CHST10: variants seen among roughly 807,000 people sequenced by gnomAD.
CHST10 encodes the protein HNK-1 sulfotransferase.
CHST10 carries 24 observed loss-of-function variants against 34.7 expected under a neutral mutation model. The observed-to-expected ratio is 0.69, with a 90% CI of 0.50 to 0.97. CHST10 has a LOEUF of 0.97. Ranked by LOEUF, CHST10 falls within the 50% of genes least tolerant of loss-of-function variation. The pLI is 0.00. For synonymous variants in CHST10, 161 were observed against 169.3 expected (o/e 0.95, Z 0.38); for missense variants, 402 against 452.1 (o/e 0.89, Z 1.00).
intron 2 of CHST10, among the ~76,000 whole-genome samples, chr2:100,412,870 C>T (rs187014809): frequency 6.9e-4 from 105 of 152,312 alleles, no homozygotes; most frequent in Non-Finnish European, 1.2e-3. Flanking sequence ...CTCCCATCTA[C>T]GGTTAACTAG....
intron 2 of CHST10, chr2:100,407,609 CT>C (rs1675636852): frequency 6.6e-6 from 1 of 152,194 alleles, no homozygotes; most frequent in Non-Finnish European, 1.5e-5. Flanking sequence ...CAGAGAGAGC[CT>C]CCTAACCCTG....
At chr2:100,402,178 T>C (rs1675370942) in intron 4 of CHST10, among the ~76,000 whole-genome samples, 1 of 152,198 alleles carries the variant, frequency 6.6e-6, no homozygotes, top group Admixed American at 6.5e-5. Context: ...GCTGAATTAG[T>C]TGTTCTGCTG....
Position 100,397,213 on chromosome 2 carries a change from T to C in CHST10, c.427+695A>G, listed in dbSNP as rs145187698. 3.7e-3 allele frequency among the ~76,000 whole-genome samples: 559 copies of C among 152,332 alleles called. 2 individuals are homozygous for C. Among genetic ancestry groups the C allele is most frequent in the South Asian group, 6.6e-3 (32 of 4,828 alleles). On this transcript the variant is annotated intron_variant, in intron 5 of 6. Transcript: ENST00000264249. ...TAAGCAGAGCCCATAATTATTAGGATCGGTTCAGACTAATTGGAATTTAAA... is the reference window on the plus strand; with the variant it reads ...TAAGCAGAGCCCATAATTATTAGGACCGGTTCAGACTAATTGGAATTTAAA...
intron 2 of CHST10, among the ~76,000 whole-genome samples, chr2:100,410,069 G>A (rs917213019): frequency 2.6e-5 from 4 of 152,210 alleles, no homozygotes; most frequent in Admixed American, 6.5e-5. Flanking sequence ...CTTGAGAAGA[G>A]CATTACACCC....
intron 4 of CHST10, 106 bp from the exon 5 acceptor site, chr2:100,398,248 C>G (rs1675168399): frequency 1.3e-6 from 1 of 769,794 alleles, no homozygotes; most frequent in Non-Finnish European, 2.1e-6. Context: ...CCATCTGGAG[C>G]CTTCTCTTCT....
chr2:100,399,615 G>A (rs113974293), intron 4 of CHST10, among the ~76,000 whole-genome samples: 207 of 152,312 alleles, frequency 1.4e-3, no homozygotes, highest in African/African-American at 4.6e-3. Flanking sequence ...AAGACTTCTA[G>A]AACACACTAG....
At chr2:100,393,811 C>G in intron 6 of CHST10, 29 bp from the exon 7 acceptor site, 1 of 1,576,348 alleles carries the variant, frequency 6.3e-7, no homozygotes, top group South Asian at 1.1e-5. Flanking sequence ...AAGAGGTTAA[C>G]TTGATGCCAC....
chr2:100,416,990 G>A, intron 1 of CHST10: 1 of 1,304,208 alleles, frequency 7.7e-7, no homozygotes, highest in Non-Finnish European at 1.0e-6. Context: ...CCCTCGCACC[G>A]AAGCTGCACA....
At chr2:100,403,901 G>C (rs2104356466) in intron 3 of CHST10, among the ~76,000 whole-genome samples, 1 of 152,336 alleles carries the variant, frequency 6.6e-6, no homozygotes, top group Middle Eastern at 3.4e-3. Context: ...CAGGCTCCGG[G>C]ACACACTCTC....
chr2:100,414,362 TCACACA>T (rs370903480), intron 2 of CHST10, among the ~76,000 whole-genome samples: 1 of 150,260 alleles, frequency 6.7e-6, no homozygotes, highest in African/African-American at 2.4e-5. Context: ...AAAGGAAACT[TCACACA>T]CACACACACA....
At chr2:100,403,940 C>T (rs373661824) in intron 3 of CHST10, among the ~76,000 whole-genome samples, 3 of 152,204 alleles carry the variant, frequency 2.0e-5, no homozygotes, top group African/African-American at 7.2e-5. Flanking sequence ...GGGCAGGCTC[C>T]AGGGGAGAGG....
chr2:100,400,760 C>T (rs1202541776), intron 4 of CHST10, among the ~76,000 whole-genome samples: 6 of 152,200 alleles, frequency 3.9e-5, no homozygotes, highest in Admixed American at 2.6e-4. Context: ...CTCACTGCAA[C>T]CTCCGCTTCC....
Position 100,393,754 on chromosome 2 carries a change from C to G in CHST10, c.562G>C (p.Val188Leu). 1.2e-6 allele frequency: 2 copies of G among 1,610,060 alleles called. No individual in the cohort carries two copies. Among genetic ancestry groups the G allele is most frequent in the South Asian group, 1.1e-5 (1 of 90,990 alleles). Reference sequence around the variant, plus strand: ...ATAAGTCTTTCGAAGGGATCTCTTACAATAAAAAACTTGAAGTATGTTTTC... The same window carrying G: ...ATAAGTCTTTCGAAGGGATCTCTTAGAATAAAAAACTTGAAGTATGTTTTC... Reference protein sequence around the residue: ...RLKTYFKFFIVRDPFERLISA... With the variant: ...RLKTYFKFFILRDPFERLISA... The change falls in exon 7 of 7, where the codon GTA becomes CTA. Residue 188 changes from valine to leucine, a missense_variant. By Grantham distance (32) the Val-to-Leu change is conservative. Transcript: ENST00000264249.
chr2:100,395,793 CGA>C (rs1324315345), intron 5 of CHST10, among the ~76,000 whole-genome samples, 179 bp from the exon 6 acceptor site: 20 of 152,190 alleles, frequency 1.3e-4, no homozygotes, highest in Middle Eastern at 6.8e-3. Context: ...GCAGGATGAA[CGA>C]GTGAAGAAAA....
intron 3 of CHST10, 152 bp downstream of exon 3, chr2:100,406,424 C>T (rs4149512): frequency 0.44 from 332,955 of 748,298 alleles, 81,650 homozygotes; most frequent in East Asian, 0.72. Context: ...ACCTCTGTAA[C>T]ATGAAGGAAC....
intron 1 of CHST10, among the ~76,000 whole-genome samples, chr2:100,416,032 G>A (rs1256238856): frequency 6.6e-6 from 1 of 152,208 alleles, no homozygotes; most frequent in Admixed American, 6.5e-5. Flanking sequence ...AAATAAGGTA[G>A]TATAGTCTTA....
intron 2 of CHST10, among the ~76,000 whole-genome samples, chr2:100,412,460 TAC>T (rs72205142): frequency 0.038 from 5,798 of 152,096 alleles, 352 homozygotes; most frequent in African/African-American, 0.13. Flanking sequence ...TTCCAAGAAA[TAC>T]AGTGATACCC....
In CHST10 at chr2:100,393,544, C is replaced by T. The variant is rs3748932; in HGVS notation, c.772G>A (p.Asp258Asn). 2.5e-5 allele frequency: 40 copies of T among 1,614,078 alleles called. No individual in the cohort carries two copies. In the East Asian group the frequency reaches 8.9e-4, roughly 36 times the overall value. ...TACGTCACCCAGTGAATGATGTGGT[C>T]CCCAAACTGAAGGTCTAGCCATCTG... ...NHRWLDLQFG[D>N]HIIHWVTYVE... is the part of the protein sequence containing the mutation. Residue 258 changes from aspartate to asparagine, a missense_variant, in exon 7 of 7, where the codon GAC (aspartate) becomes AAC (asparagine). Asp to Asn is a conservative substitution (Grantham distance 23). Transcript: ENST00000264249.
intron 3 of CHST10, among the ~76,000 whole-genome samples, chr2:100,406,013 C>T (rs894863113): frequency 1.3e-5 from 2 of 152,220 alleles, no homozygotes; most frequent in Non-Finnish European, 2.9e-5. Context: ...GAAGTAGAAT[C>T]AGCATTCTGA....
Sources: gnomAD v4.1 joint callset for allele counts (sites outside exome capture counted in the v4.1 genomes callset) on GRCh38, gnomAD v4.1.1 for gene constraint, MANE v1.5 for transcripts, NCBI Gene and HGNC (gene_info 2026-07-23, HGNC 2026-07-21) for gene names.